FLI1: variants seen among roughly 807,000 people sequenced by gnomAD.
FLI1 encodes the protein Fli-1 proto-oncogene, ETS transcription factor.
A neutral mutation model predicts 53.1 loss-of-function variants in FLI1; 13 were observed. That is an observed-to-expected ratio of 0.24 (90% CI 0.16 to 0.39). The LOEUF is 0.39. Ranked by LOEUF, FLI1 falls within the 10% of genes least tolerant of loss-of-function variation. The pLI is 1.00. For missense variants in FLI1, 424 were observed against 600.5 expected (o/e 0.71, Z 3.07); for synonymous variants, 244 against 236.7 (o/e 1.03, Z -0.28).
Position 128,810,538 on chromosome 11 carries a change from G to C in FLI1, c.909G>C (p.Glu303Asp), listed in dbSNP as rs777080800. The change falls in exon 9 of 9, where the codon GAG becomes GAC. Residue 303 changes from glutamate (E) to aspartate (D), a missense_variant. This residue lies in a region of FLI1 where 71 missense variants were observed against 174.2 expected (regional missense o/e 0.41). Coordinates refer to ENST00000527786, the MANE Select transcript of FLI1 (RefSeq NM_002017.5). The surrounding 1 kb of genome is among the most constrained non-coding windows in gnomAD (Gnocchi z 6.6). ...DSANASCITW[E>D]GTNGEFKMTD... ...CCAACGCCAGCTGTATCACCTGGGA[G>C]GGGACCAACGGGGAGTTCAAAATGA... 3 of 1,611,764 alleles carry C rather than the reference G, an allele frequency of 1.9e-6. No individual in the cohort carries two copies. Among genetic ancestry groups the C allele is most frequent in the Admixed American group, 1.7e-5 (1 of 59,730 alleles).
chr11:128,798,301 G>T (rs1193807053), intron 5 of FLI1, among the ~76,000 whole-genome samples: 1 of 152,072 alleles, frequency 6.6e-6, no homozygotes, highest in East Asian at 1.9e-4. Context: ...CCACTTTGAG[G>T]CCTTATCAAA....
At chr11:128,722,155 A>G (rs1300375233) in intron 1 of FLI1, among the ~76,000 whole-genome samples, 3 of 152,158 alleles carry the variant, frequency 2.0e-5, no homozygotes, top group South Asian at 2.1e-4. Context: ...TAAAAATGTA[A>G]AAGTTACCCC....
rs1457536768 is a variant in FLI1 at position 128,724,912 on chromosome 11, C to T, written c.18+30636C>T. Among the ~76,000 whole-genome samples the T allele has an allele frequency of 2.6e-5, 4 of 152,152 alleles. No homozygotes were observed. In the East Asian group the frequency reaches 5.8e-4, roughly 22 times the overall value. ...CCACTGGCCAAAGTGTTTGATTAAG[C>T]CTGCAGAGAATGATGGGGTTCAGTA... On this transcript the variant is annotated intron_variant, in intron 1 of 8. Transcript: ENST00000527786.
chr11:128,805,705 A>G, intron 6 of FLI1: 2 of 365,414 alleles, frequency 5.5e-6, no homozygotes, highest in South Asian at 1.1e-4. Flanking sequence ...TTCTGTACCA[A>G]TGAATGGTCA....
chr11:128,692,548 G>C (rs898385065), upstream of FLI1: 3 of 151,474 alleles, frequency 2.0e-5, no homozygotes, highest in African/African-American at 4.9e-5. Flanking sequence ...ACCCAAAATT[G>C]GAGCCGAATT....
upstream of FLI1, among the ~76,000 whole-genome samples, chr11:128,688,949 G>A (rs1937635654): frequency 6.6e-6 from 1 of 152,208 alleles, no homozygotes; most frequent in South Asian, 2.1e-4. Flanking sequence ...CTGAGGCATT[G>A]TGAGGTTAAT....
chr11:128,807,049 A>T lies in FLI1; in HGVS notation c.722-131A>T, dbSNP rs993801444. On this transcript the variant is annotated intron_variant, in intron 6 of 8. Transcript: ENST00000527786. ...TAGTAGATTCTAGGTAAATGTTTCT[A>T]AAATAAGATGAATAAATGAGTCAGT... The T allele has an allele frequency of 3.0e-5, 14 of 463,104 alleles. No individual in the cohort carries two copies. In the East Asian group the frequency reaches 4.9e-4, roughly 16 times the overall value. 28.7% of individuals were successfully genotyped at this position (463,104 alleles called of 1,614,324 possible). A position where few individuals can be genotyped will look rare whatever the true frequency, so the allele number is the denominator to read the frequency against.
chr11:128,750,011 A>T (rs1355214679), intron 1 of FLI1, among the ~76,000 whole-genome samples: 2 of 152,220 alleles, frequency 1.3e-5, no homozygotes, highest in Non-Finnish European at 2.9e-5. Context: ...AGGGCTTTGC[A>T]CCTAAGTATC....
chr11:128,689,206 C>T (rs1020281884), upstream of FLI1, among the ~76,000 whole-genome samples: 2 of 152,184 alleles, frequency 1.3e-5, no homozygotes, highest in African/African-American at 2.4e-5. Flanking sequence ...GGAACTTCCG[C>T]TCCTGATATT....
intron 2 of FLI1, chr11:128,764,596 A>G: frequency 6.7e-7 from 1 of 1,499,180 alleles, no homozygotes; most frequent in Non-Finnish European, 9.0e-7. Flanking sequence ...GCTGAATGGC[A>G]AAACCTCGTC....
At chr11:128,758,041 A>G (rs947880990) in intron 1 of FLI1, 74 bp from the exon 2 acceptor site, 1 of 1,370,802 alleles carries the variant, frequency 7.3e-7, no homozygotes, top group African/African-American at 1.4e-5. Context: ...CCACCTTGCC[A>G]GCTCAAAGCA....
intron 1 of FLI1, among the ~76,000 whole-genome samples, chr11:128,750,212 G>T (rs1940586031): frequency 6.6e-6 from 1 of 152,204 alleles, no homozygotes; most frequent in East Asian, 1.9e-4. Context: ...GGCAGCCACA[G>T]GGAACTTGGT....
chr11:128,803,206 C>T (rs1233204326), intron 5 of FLI1, among the ~76,000 whole-genome samples: 1 of 151,934 alleles, frequency 6.6e-6, no homozygotes, highest in Non-Finnish European at 1.5e-5. Context: ...GAATTATCTC[C>T]TTCCCCCAGG....
intron 1 of FLI1, among the ~76,000 whole-genome samples, chr11:128,741,347 C>T (rs1355176230): frequency 1.3e-5 from 2 of 152,146 alleles, no homozygotes; most frequent in African/African-American, 2.4e-5. Context: ...GAGCTGAGAT[C>T]GTGCCAGTGC....
intron 4 of FLI1, among the ~76,000 whole-genome samples, chr11:128,778,444 C>T (rs1029024357): frequency 2.6e-5 from 4 of 152,176 alleles, no homozygotes; most frequent in Admixed American, 6.5e-5. Flanking sequence ...TACGATTTAG[C>T]CTGGAGGCAG....
chr11:128,786,302 G>A (rs1942079221), intron 5 of FLI1, among the ~76,000 whole-genome samples: 2 of 152,216 alleles, frequency 1.3e-5, no homozygotes, highest in Non-Finnish European at 2.9e-5. Flanking sequence ...GGAATAGCAG[G>A]CCCTACTGGT....
chr11:128,696,873 G>A (rs1214322225), intron 1 of FLI1, among the ~76,000 whole-genome samples: 1 of 152,218 alleles, frequency 6.6e-6, no homozygotes, highest in African/African-American at 2.4e-5. Context: ...GGAAGCCAGG[G>A]AAGTCTGGAT....
intron 6 of FLI1, 182 bp from the exon 7 acceptor site, chr11:128,806,998 C>G: frequency 2.5e-6 from 1 of 397,614 alleles, no homozygotes. Flanking sequence ...TCCTGAATCT[C>G]CAGCCTGGAG....
chr11:128,731,499 G>T (rs1939696980), intron 1 of FLI1, among the ~76,000 whole-genome samples: 2 of 150,870 alleles, frequency 1.3e-5, no homozygotes, highest in Non-Finnish European at 3.0e-5. Context: ...TCTGTTAAAG[G>T]GGCCGTGTCA....
Sources: allele counts gnomAD v4.1 joint callset (sites outside exome capture counted in the v4.1 genomes callset), GRCh38; gene constraint gnomAD v4.1.1; regional missense constraint gnomAD v4.1.1; non-coding constraint Gnocchi (gnomAD v3.1); transcripts MANE v1.5; gene names NCBI Gene and HGNC (gene_info 2026-07-23, HGNC 2026-07-21).